The following ADK variants were observed in gnomAD, a reference collection of about 807,000 sequenced individuals.
ADK encodes the protein adenosine kinase, also known as N6,N6-dimethyladenosine kinase.
Under a neutral mutation model 44.7 loss-of-function variants are expected in ADK, and 24 were observed. That is an observed-to-expected ratio of 0.54 (90% CI 0.39 to 0.76). The LOEUF (loss-of-function observed/expected upper bound fraction) is 0.76. Ranked by LOEUF, ADK falls within the 30% of genes least tolerant of loss-of-function variation. The pLI is 0.00. For synonymous variants in ADK, 128 were observed against 142.6 expected, an observed-to-expected ratio of 0.90 and a Z score of 0.73; for missense variants, 321 against 425.1, an observed-to-expected ratio of 0.76 and a Z score of 2.15.
chr10:74,165,915 C>A (rs1289345126), intron 1 of ADK, among the ~76,000 whole-genome samples: 2 of 152,152 alleles, frequency 1.3e-5, no homozygotes, highest in Admixed American at 1.3e-4. Context: ...TGGATTAACT[C>A]ATTGAACTGG....
At chr10:74,254,167 C>T (rs1010006106) in intron 3 of ADK, among the ~76,000 whole-genome samples, 14 of 152,062 alleles carry the variant, frequency 9.2e-5, no homozygotes, top group African/African-American at 3.4e-4. Context: ...AAGAGGAAAT[C>T]AAGAAATGCA....
At chr10:74,494,006 A>G (rs1037628893) in intron 6 of ADK, among the ~76,000 whole-genome samples, 1 of 152,158 alleles carries the variant, frequency 6.6e-6, no homozygotes, top group Non-Finnish European at 1.5e-5. Flanking sequence ...TTAATAGGAG[A>G]GAAACTTAGA....
At chr10:74,634,981 C>A (rs530554028) in intron 9 of ADK, among the ~76,000 whole-genome samples, 1 of 152,194 alleles carries the variant, frequency 6.6e-6, no homozygotes, top group Non-Finnish European at 1.5e-5. Flanking sequence ...AACAGAGCTT[C>A]CTTGACCTTT....
At chr10:74,251,485 A>G (rs139372998) in intron 3 of ADK, among the ~76,000 whole-genome samples, 1 of 152,352 alleles carries the variant, frequency 6.6e-6, no homozygotes, top group African/African-American at 2.4e-5. Context: ...TAGACTGATG[A>G]TAATATTTAT....
At chr10:74,362,756 A>AT (rs1472955349) in intron 4 of ADK, among the ~76,000 whole-genome samples, 3 of 152,166 alleles carry the variant, frequency 2.0e-5, no homozygotes, top group Admixed American at 1.3e-4. Context: ...CCTCTGACCA[A>AT]TTACAGCCAT....
Position 74,275,685 on chromosome 10 carries a change from G to A in ADK, c.195-38982G>A, listed in dbSNP as rs186783182. On this transcript the variant is annotated intron_variant, in intron 3 of 10. Coordinates refer to ENST00000539909, the MANE Select transcript of ADK (RefSeq NM_006721.4). ...TCTTTTTTTTCTTCTTTGAGACAGA[G>A]TCTCACTCTGTCACCCAGGCTGGAG... Among the ~76,000 whole-genome samples the A allele has an allele frequency of 2.2e-3, 335 of 152,108 alleles. 2 individuals carry two copies. The highest frequency in any genetic ancestry group is 7.6e-3 in the African/African-American group (317 of 41,488).
intron 6 of ADK, among the ~76,000 whole-genome samples, chr10:74,517,933 A>G (rs777970129): frequency 3.9e-5 from 6 of 152,138 alleles, no homozygotes; most frequent in Non-Finnish European, 8.8e-5. Flanking sequence ...GTAATTATAA[A>G]TGATTTATAC....
intron 2 of ADK, among the ~76,000 whole-genome samples, chr10:74,211,252 T>A (rs1843802067): frequency 6.6e-6 from 1 of 152,218 alleles, no homozygotes; most frequent in Admixed American, 6.5e-5. Flanking sequence ...ATGTTTTGTA[T>A]ATTTAGGTCT....
At chr10:74,668,776 T>C (rs570007672) in intron 9 of ADK, among the ~76,000 whole-genome samples, 9 of 152,244 alleles carry the variant, frequency 5.9e-5, no homozygotes, top group Middle Eastern at 3.4e-3. Context: ...CTCATGCCTG[T>C]AATCCTAGCA....
chr10:74,224,918 A>G (rs1339593246), intron 3 of ADK, among the ~76,000 whole-genome samples: 2 of 152,286 alleles, frequency 1.3e-5, no homozygotes, highest in South Asian at 4.1e-4. Flanking sequence ...TGACTGCTCT[A>G]CCAGAAAAAA....
chr10:74,478,487 T>C (rs1331155599), intron 6 of ADK, among the ~76,000 whole-genome samples: 1 of 152,216 alleles, frequency 6.6e-6, no homozygotes, highest in Non-Finnish European at 1.5e-5. Context: ...CCTCCCATAA[T>C]GCTGGGATTA....
chr10:74,448,062 A>G (rs1360515540), intron 6 of ADK, among the ~76,000 whole-genome samples: 1 of 152,140 alleles, frequency 6.6e-6, no homozygotes, highest in Non-Finnish European at 1.5e-5. Context: ...AATCTCAGCT[A>G]TTTGGAAGGT....
intron 3 of ADK, among the ~76,000 whole-genome samples, chr10:74,228,839 A>C (rs1417742828): frequency 6.6e-6 from 1 of 152,222 alleles, no homozygotes; most frequent in Non-Finnish European, 1.5e-5. Context: ...AATATAAATA[A>C]ATTCAGAAGT....
chr10:74,483,113 C>G lies in ADK; in HGVS notation c.556-42143C>G, dbSNP rs1053455466. On this transcript the variant is annotated intron_variant, in intron 6 of 10. Coordinates refer to ENST00000539909, the MANE Select transcript of ADK (RefSeq NM_006721.4). Reference sequence around the variant, plus strand: ...AGTAGAGGTTCTCCATGAGGGTTCACCCCTGCAGCAAACTTCTGCCTGGAC... The same window carrying G: ...AGTAGAGGTTCTCCATGAGGGTTCAGCCCTGCAGCAAACTTCTGCCTGGAC... Among the ~76,000 whole-genome samples, 7 of 152,302 alleles carry G rather than the reference C, an allele frequency of 4.6e-5. No individual in the cohort carries two copies. The East Asian group carries it at 1.3e-3, about 29-fold the overall frequency.
At chr10:74,175,665 C>G (rs577532859) in intron 1 of ADK, among the ~76,000 whole-genome samples, 45 of 152,108 alleles carry the variant, frequency 3.0e-4, no homozygotes, top group Non-Finnish European at 3.2e-4. Flanking sequence ...GTCGTTCACA[C>G]CTATATTCCC....
chr10:74,297,814 A>G (rs530478665), intron 3 of ADK, among the ~76,000 whole-genome samples: 1 of 152,340 alleles, frequency 6.6e-6, no homozygotes, highest in East Asian at 1.9e-4. Flanking sequence ...TGTATTGTCT[A>G]TGGCTGCCTT....
chr10:74,382,116 G>A (rs1592130736), intron 4 of ADK, among the ~76,000 whole-genome samples: 1 of 151,622 alleles, frequency 6.6e-6, no homozygotes. Context: ...TTCTTTTCTC[G>A]AGACATGGTC....
intron 6 of ADK, among the ~76,000 whole-genome samples, chr10:74,475,989 T>C (rs1846822201): frequency 6.6e-6 from 1 of 152,198 alleles, no homozygotes; most frequent in East Asian, 1.9e-4. Context: ...ACACACATTG[T>C]ATTTAATCCT....
intron 6 of ADK, among the ~76,000 whole-genome samples, chr10:74,500,669 A>T (rs1847858717): frequency 6.6e-6 from 1 of 152,228 alleles, no homozygotes; most frequent in Non-Finnish European, 1.5e-5. Flanking sequence ...ATGTCTGAGT[A>T]ATATATGGTT....
Sources: allele counts gnomAD v4.1 joint callset (sites outside exome capture counted in the v4.1 genomes callset), GRCh38; gene constraint gnomAD v4.1.1; transcripts MANE v1.5; gene names NCBI Gene and HGNC (gene_info 2026-07-23, HGNC 2026-07-21).